The following BMPR1B variants were observed in gnomAD, a reference collection of about 807,000 sequenced individuals.
BMPR1B encodes bone morphogenetic protein receptor type-1B.
BMPR1B carries 12 observed loss-of-function variants against 59.1 expected under a neutral mutation model. The ratio of observed to expected loss-of-function variants is 0.20; its 90% CI spans 0.13 to 0.33. The LOEUF is 0.33. BMPR1B is among the 10% of genes least tolerant of loss of function. BMPR1B has a pLI of 1.00. For synonymous variants in BMPR1B, 237 were observed against 207.3 expected (o/e 1.14, Z -1.23); for missense variants, 550 against 610.9 (o/e 0.90, Z 1.05).
At chr4:95,146,168 A>G (rs1343383662) in intron 10 of BMPR1B, among the ~76,000 whole-genome samples, 1 of 152,198 alleles carries the variant, frequency 6.6e-6, no homozygotes, top group Admixed American at 6.5e-5. Context: ...GAGAAGATTT[A>G]TTCAGCTACT....
At chr4:95,066,355 C>G (rs1471464497) in intron 3 of BMPR1B, among the ~76,000 whole-genome samples, 1 of 146,868 alleles carries the variant, frequency 6.8e-6, no homozygotes, top group Non-Finnish European at 1.5e-5. Flanking sequence ...TCATGCTTTT[C>G]CCACTCAGGG....
intron 2 of BMPR1B, among the ~76,000 whole-genome samples, chr4:94,969,714 A>G (rs1176710051): frequency 1.3e-5 from 2 of 152,026 alleles, no homozygotes; most frequent in East Asian, 3.9e-4. Flanking sequence ...AGTGTTTTCT[A>G]TTATTTGTCT....
intron 10 of BMPR1B, among the ~76,000 whole-genome samples, chr4:95,136,889 G>C (rs1044043228): frequency 2.0e-5 from 3 of 152,022 alleles, no homozygotes; most frequent in Non-Finnish European, 4.4e-5. Context: ...TTTTTGAAGG[G>C]TTTTTTGTGT....
At chr4:94,923,853 TTGAC>T (rs1372917454) in intron 2 of BMPR1B, among the ~76,000 whole-genome samples, 3 of 152,068 alleles carry the variant, frequency 2.0e-5, no homozygotes, top group South Asian at 2.1e-4. Context: ...CTAGATCTCT[TTGAC>T]TGTGATTTCC....
chr4:94,801,387 T>TA (rs899514241), intron 1 of BMPR1B, among the ~76,000 whole-genome samples: 4 of 152,172 alleles, frequency 2.6e-5, no homozygotes, highest in African/African-American at 9.7e-5. Flanking sequence ...TTCAACCCCT[T>TA]ACTGGGTGGG....
At chr4:95,048,030 T>G (rs111304867) in intron 3 of BMPR1B, among the ~76,000 whole-genome samples, 5 of 152,310 alleles carry the variant, frequency 3.3e-5, no homozygotes, top group African/African-American at 1.2e-4. Flanking sequence ...AAGTTCCCAC[T>G]TTTAAGTGAG....
chr4:94,828,813 A>G (rs1359350325), intron 1 of BMPR1B, among the ~76,000 whole-genome samples: 3 of 152,142 alleles, frequency 2.0e-5, no homozygotes, highest in Admixed American at 1.3e-4. Flanking sequence ...AGCCTTCCAG[A>G]TGATTCTGAT....
At chr4:94,823,692 A>G (rs1329540357) in intron 1 of BMPR1B, among the ~76,000 whole-genome samples, 1 of 152,102 alleles carries the variant, frequency 6.6e-6, no homozygotes, top group Non-Finnish European at 1.5e-5. Flanking sequence ...AGAAAAGGTT[A>G]GATATGCCTG....
chr4:95,136,700 G>A (rs1391533844), intron 10 of BMPR1B, among the ~76,000 whole-genome samples: 1 of 152,180 alleles, frequency 6.6e-6, no homozygotes, highest in Non-Finnish European at 1.5e-5. Flanking sequence ...TTGCGTAGAG[G>A]TGTTTATAGT....
intron 3 of BMPR1B, among the ~76,000 whole-genome samples, chr4:95,099,411 A>G (rs1300802830): frequency 1.3e-5 from 2 of 152,248 alleles, no homozygotes; most frequent in Admixed American, 6.5e-5. Context: ...ATGCAGATAT[A>G]GAAACAGGAA....
chr4:95,104,496 C>A lies in BMPR1B; in HGVS notation c.72C>A (p.Thr24=). The part of the protein sequence containing the change: ...KKEDGESTAP[T]PRPKVLRCKC... ...AGGATGGTGAGAGTACAGCCCCCAC[C>A]CCCCGTCCAAAGGTCTTGCGTTGTA... Residue 24 remains threonine (T), a synonymous_variant, in exon 4 of 13, where the codon ACC becomes ACA. Transcript: ENST00000515059. 1 of 1,613,374 alleles carries A rather than the reference C, an allele frequency of 6.2e-7. No homozygotes were observed. The highest frequency in any genetic ancestry group is 8.5e-7 in the Non-Finnish European group (1 of 1,179,632).
chr4:94,847,517 C>A (rs1725383190), intron 1 of BMPR1B, among the ~76,000 whole-genome samples: 1 of 152,036 alleles, frequency 6.6e-6, no homozygotes, highest in Non-Finnish European at 1.5e-5. Context: ...TCACAATAGT[C>A]AAGATTTGGA....
chr4:95,026,791 T>G (rs1021681147), intron 3 of BMPR1B, among the ~76,000 whole-genome samples: 1 of 148,050 alleles, frequency 6.8e-6, no homozygotes, highest in Non-Finnish European at 1.5e-5. Flanking sequence ...AGAGGTAGTG[T>G]CTCACTCTTA....
rs1165494739 is a variant in BMPR1B at position 95,034,865 on chromosome 4, A to G, written c.-18+38731A>G. On this transcript the variant is annotated intron_variant, in intron 3 of 12. Transcript: ENST00000515059. ...ATAAGGAATTTCCATAGTGTCTTCT[A>G]TAGCGGTTGTACTAGTTTACATTCT... Among the ~76,000 whole-genome samples the G allele has an allele frequency of 3.3e-5, 5 of 152,172 alleles. No individual in the cohort carries two copies. In the South Asian group the frequency reaches 1.0e-3, roughly 32 times the overall value.
At chr4:94,758,237 G>T (rs1475193707) in intron 1 of BMPR1B, among the ~76,000 whole-genome samples, 169 bp downstream of exon 1, 1 of 150,234 alleles carries the variant, frequency 6.7e-6, no homozygotes, top group Non-Finnish European at 1.5e-5. Flanking sequence ...GAGCGCGCGA[G>T]GGAGAGGGCG....
chr4:94,802,312 G>A (rs1162083300), intron 1 of BMPR1B, among the ~76,000 whole-genome samples: 1 of 152,104 alleles, frequency 6.6e-6, no homozygotes, highest in Non-Finnish European at 1.5e-5. Flanking sequence ...GAGAGGCCTG[G>A]GTAGGCTCCA....
intron 1 of BMPR1B, among the ~76,000 whole-genome samples, chr4:94,805,488 G>A (rs1311999437): frequency 2.0e-5 from 3 of 152,140 alleles, no homozygotes; most frequent in Non-Finnish European, 4.4e-5. Context: ...AGTGTTTTGT[G>A]ACTAAAGATA....
chr4:94,884,126 T>C (rs1168081069), intron 2 of BMPR1B, among the ~76,000 whole-genome samples: 1 of 152,190 alleles, frequency 6.6e-6, no homozygotes, highest in Non-Finnish European at 1.5e-5. Context: ...TTCCAAGGTT[T>C]CAAAAGTAAT....
At chr4:95,007,373 C>A (rs1722919672) in intron 3 of BMPR1B, among the ~76,000 whole-genome samples, 1 of 152,094 alleles carries the variant, frequency 6.6e-6, no homozygotes, top group African/African-American at 2.4e-5. Context: ...CTTTGCCTTG[C>A]TCTGCTTTTC....
Sources: gnomAD v4.1 joint callset for allele counts (sites outside exome capture counted in the v4.1 genomes callset) on GRCh38, gnomAD v4.1.1 for gene constraint, MANE v1.5 for transcripts, NCBI Gene and HGNC (gene_info 2026-07-23, HGNC 2026-07-21) for gene names.